The following TTC7A variants were observed in gnomAD, a reference collection of about 807,000 sequenced individuals.
TTC7A encodes the protein tetratricopeptide repeat protein 7A.
In TTC7A, 110 loss-of-function variants were observed where a neutral mutation model predicts 103.7. That is an observed-to-expected ratio of 1.06 (90% confidence interval 0.91 to 1.24). The LOEUF is 1.24. TTC7A is among the 50% of genes most tolerant of loss of function. The pLI, the probability that TTC7A is intolerant of heterozygous loss-of-function variation, is 0.00. For synonymous variants in TTC7A, 521 were observed against 467.9 expected (o/e 1.11, Z -1.47); for missense variants, 1,340 against 1,116.3 (o/e 1.20, Z -2.86).
chr2:47,064,562 C>T (rs1214503172), intron 19 of TTC7A, among the ~76,000 whole-genome samples: 1 of 152,200 alleles, frequency 6.6e-6, no homozygotes, highest in African/African-American at 2.4e-5. Context: ...GGAAGGGACC[C>T]CCGGCAGCCT....
At chr2:47,015,339 G>C (rs529496257) in intron 11 of TTC7A, among the ~76,000 whole-genome samples, 3 of 152,240 alleles carry the variant, frequency 2.0e-5, no homozygotes, top group Non-Finnish European at 2.9e-5. Flanking sequence ...TGCATGTGTG[G>C]TGTCACACAG....
intron 11 of TTC7A, among the ~76,000 whole-genome samples, chr2:47,019,548 G>A (rs992546708): frequency 4.6e-5 from 7 of 151,994 alleles, no homozygotes; most frequent in African/African-American, 1.7e-4. Flanking sequence ...CTAATCTCGG[G>A]GTCAGAGTGG....
intron 10 of TTC7A, among the ~76,000 whole-genome samples, chr2:47,008,674 T>C (rs1423548007): frequency 2.0e-5 from 3 of 152,176 alleles, no homozygotes; most frequent in Non-Finnish European, 4.4e-5. Context: ...GTCTGCCTGA[T>C]TGTCCCAGGC....
chr2:47,057,962 C>T (rs1327028495), intron 18 of TTC7A, among the ~76,000 whole-genome samples: 2 of 152,202 alleles, frequency 1.3e-5, no homozygotes, highest in African/African-American at 4.8e-5. Context: ...CACTCTTTCT[C>T]CTCCTTGTGG....
At chr2:46,984,494 G>T (rs928649199) in intron 5 of TTC7A, among the ~76,000 whole-genome samples, 2 of 152,196 alleles carry the variant, frequency 1.3e-5, no homozygotes, top group African/African-American at 4.8e-5. Context: ...GGGAAGGAAT[G>T]CAAAACACCT....
intron 9 of TTC7A, 22 bp from the exon 10 acceptor site, chr2:47,006,619 G>A: frequency 6.2e-7 from 1 of 1,607,510 alleles, no homozygotes; most frequent in Non-Finnish European, 8.5e-7. Context: ...GTGGGTAAAT[G>A]CTGACTATCT....
At chr2:46,940,027 G>A (rs974942322), upstream of TTC7A, among the ~76,000 whole-genome samples, 16 of 152,162 alleles carry the variant, frequency 1.1e-4, no homozygotes, top group African/African-American at 3.9e-4. The surrounding 1 kb of genome is among the most constrained non-coding windows in gnomAD (Gnocchi z 4.7). Context: ...TTTAGAACCC[G>A]GAGAGGAGGG....
chr2:46,987,262 G>A (rs1339950991), intron 5 of TTC7A, among the ~76,000 whole-genome samples: 2 of 152,232 alleles, frequency 1.3e-5, no homozygotes, highest in African/African-American at 4.8e-5. Context: ...GCACCTTTCT[G>A]ACATGTTTTT....
intron 8 of TTC7A, among the ~76,000 whole-genome samples, chr2:47,004,318 G>A (rs904880026): frequency 6.6e-6 from 1 of 152,154 alleles, no homozygotes; most frequent in African/African-American, 2.4e-5. Context: ...AGAGGCTTCT[G>A]GGAGGACTCC....
rs1454889931 is a variant in TTC7A at position 47,029,395 on chromosome 2, T to C, written c.1802+11T>C. Reference sequence around the variant, plus strand: ...CCCTGAGAACTTCAAGTGAGTGCCCTGGGAACACTCTGGCAGTGGGGGAGC... The same window carrying C: ...CCCTGAGAACTTCAAGTGAGTGCCCCGGGAACACTCTGGCAGTGGGGGAGC... On this transcript the variant is annotated intron_variant, in intron 15 of 19. Coordinates refer to ENST00000319190, the MANE Select transcript of TTC7A (RefSeq NM_020458.4). The C allele has an allele frequency of 6.2e-7, 1 of 1,613,074 alleles. No individual in the cohort carries two copies. Among genetic ancestry groups the C allele is most frequent in the Non-Finnish European group, 8.5e-7 (1 of 1,179,836 alleles).
At chr2:47,039,627 A>G (rs753086822) in intron 15 of TTC7A, among the ~76,000 whole-genome samples, 2 of 152,220 alleles carry the variant, frequency 1.3e-5, no homozygotes, top group African/African-American at 2.4e-5. Flanking sequence ...TCTTTATAGC[A>G]GTGGGAAGAA....
At chr2:47,025,699 A>C (rs1461626628) in intron 14 of TTC7A, among the ~76,000 whole-genome samples, 1 of 151,974 alleles carries the variant, frequency 6.6e-6, no homozygotes, top group Non-Finnish European at 1.5e-5. Context: ...CCCTGATGTC[A>C]TCCTGGCTGT....
chr2:46,986,476 C>A (rs191601555), intron 5 of TTC7A, among the ~76,000 whole-genome samples: 122 of 151,910 alleles, frequency 8.0e-4, no homozygotes, highest in Non-Finnish European at 1.6e-3. Context: ...CAGAGGGGAG[C>A]CTGTGGTGGA....
At chr2:47,030,737 C>T (rs1680439018) in intron 15 of TTC7A, among the ~76,000 whole-genome samples, 1 of 152,182 alleles carries the variant, frequency 6.6e-6, no homozygotes, top group Non-Finnish European at 1.5e-5. Context: ...CTGGCCTAGG[C>T]AGGTCCCCAC....
chr2:46,956,689 C>CA, intron 2 of TTC7A, 150 bp from the exon 3 acceptor site: 1 of 756,076 alleles, frequency 1.3e-6, no homozygotes, highest in Non-Finnish European at 2.3e-6. Flanking sequence ...GGGGAGCTGT[C>CA]GGCATGTGCT....
chr2:47,014,122 G>A (rs991956665), intron 11 of TTC7A, among the ~76,000 whole-genome samples: 5 of 152,176 alleles, frequency 3.3e-5, no homozygotes, highest in Admixed American at 6.5e-5. Flanking sequence ...CCTTCTTGCC[G>A]ATGGACACAT....
At chr2:46,994,074 C>A (rs1015575258) in intron 6 of TTC7A, among the ~76,000 whole-genome samples, 1 of 151,904 alleles carries the variant, frequency 6.6e-6, no homozygotes, top group African/African-American at 2.4e-5. Context: ...GGCTGGGCTC[C>A]AAGGGGTCAG....
rs1194753379 is a variant in TTC7A at position 46,956,749 on chromosome 2, T to A, written c.349-90T>A. 5.5e-6 allele frequency: 8 copies of A among 1,455,022 alleles called. No homozygotes were observed. In the Admixed American group the frequency reaches 1.4e-4, roughly 25 times the overall value. 90.1% of individuals were successfully genotyped at this position (1,455,022 alleles called of 1,614,324 possible). On this transcript the variant is annotated intron_variant, in intron 2 of 19. Coordinates refer to ENST00000319190, the MANE Select transcript of TTC7A (RefSeq NM_020458.4). ...AGGAGGAGGGGAGTTCTGAGCAAGGTCTGAGGCAAACAAGGTCCAGGTTCA... is the reference window on the plus strand; with the variant it reads ...AGGAGGAGGGGAGTTCTGAGCAAGGACTGAGGCAAACAAGGTCCAGGTTCA...
intron 2 of TTC7A, among the ~76,000 whole-genome samples, chr2:46,920,281 T>C (rs1045691403): frequency 2.0e-5 from 3 of 152,184 alleles, no homozygotes; most frequent in Non-Finnish European, 4.4e-5. Flanking sequence ...ATGTTGTTGT[T>C]GTTTGGAGTT....
Sources: allele counts gnomAD v4.1 joint callset (sites outside exome capture counted in the v4.1 genomes callset), GRCh38; gene constraint gnomAD v4.1.1; non-coding constraint Gnocchi (gnomAD v3.1); transcripts MANE v1.5; gene names NCBI Gene and HGNC (gene_info 2026-07-23, HGNC 2026-07-21).